Variants in SECISBP2 observed in about 807,000 individuals in gnomAD.
SECISBP2 encodes the protein selenocysteine insertion sequence-binding protein 2.
In SECISBP2, 96 loss-of-function variants were observed where a neutral mutation model predicts 98.2. The ratio of observed to expected loss-of-function variants is 0.98; its 90% confidence interval spans 0.83 to 1.16. The LOEUF (loss-of-function observed/expected upper bound fraction) is 1.16. Among genes scored for constraint, SECISBP2 ranks in the 50% most tolerant of loss-of-function variants. SECISBP2 has a pLI of 0.00. For synonymous variants in SECISBP2, 407 were observed against 370.2 expected (o/e 1.10, Z -1.14); for missense variants, 1,046 against 1,022.9 (o/e 1.02, Z -0.31).
rs1280900877 is a variant in SECISBP2, at chr9:89,357,999, G to C, written c.2269G>C (p.Asp757His). The C allele has an allele frequency of 6.2e-7, 1 of 1,612,760 alleles. No individual in the cohort carries two copies. The highest frequency in any genetic ancestry group is 8.5e-7 in the Non-Finnish European group (1 of 1,179,954). Residue 757 changes from aspartate to histidine, a missense_variant and splice_region_variant, in exon 16 of 17, where the codon GAT (aspartate) becomes CAT (histidine). Physicochemically the swap from Asp to His is moderately conservative, Grantham distance 81 (BLOSUM62 -1). Coordinates refer to ENST00000375807, the MANE Select transcript of SECISBP2 (RefSeq NM_024077.5). Reference protein sequence around the residue: ...VGIFSYDGAQDQFHKMVELTV... With the variant: ...VGIFSYDGAQHQFHKMVELTV... ...CTGTGTGCTCTCACTTGTGCCCAAG[G>C]ATCAGTTCCACAAGATGGTTGAGCT...
downstream of SECISBP2, chr9:89,362,242 T>C: frequency 7.9e-7 from 1 of 1,261,890 alleles, no homozygotes. Context: ...CTGTCCCGCC[T>C]CTGCCCATCA....
At position 89,318,555 on chromosome 9, in the gene SECISBP2, G is replaced by A. The variant is rs193197080; in HGVS notation, c.-22G>A. On this transcript the variant is annotated 5_prime_UTR_variant, in exon 1 of 17. Coordinates refer to ENST00000375807, the MANE Select transcript of SECISBP2 (RefSeq NM_024077.5). ...GGCCCGCTGCTGGCCTCCGTGACGCGGCCTCCTCCGCGCCTCGCGGCATGG... is the reference window on the plus strand; with the variant it reads ...GGCCCGCTGCTGGCCTCCGTGACGCAGCCTCCTCCGCGCCTCGCGGCATGG... The A allele has an allele frequency of 6.6e-7, 1 of 1,508,866 alleles. No homozygotes were observed. Among genetic ancestry groups the A allele is most frequent in the Admixed American group, 2.1e-5 (1 of 48,754 alleles). 93.5% of individuals were successfully genotyped at this position (1,508,866 alleles called of 1,614,324 possible).
At position 89,318,603 on chromosome 9, in the gene SECISBP2, C is replaced by T; in HGVS notation, c.27C>T (p.Pro9=). The change falls in exon 1 of 17, where the codon CCC becomes CCT. Residue 9 remains proline, a synonymous_variant. Coordinates refer to ENST00000375807, the MANE Select transcript of SECISBP2 (RefSeq NM_024077.5). Reference sequence around the variant, plus strand: ...TGGCGTCGGAGGGGCCGCGGGAGCCCGAAAGCGAGGTAAGGGCCGACGGGG... The same window carrying T: ...TGGCGTCGGAGGGGCCGCGGGAGCCTGAAAGCGAGGTAAGGGCCGACGGGG... MASEGPRE[P]ESEGIKLSAD... 6.9e-7 allele frequency: 1 copy of T among 1,458,250 alleles called. No homozygotes were observed. The highest frequency in any genetic ancestry group is 9.0e-7 in the Non-Finnish European group (1 of 1,114,928). The allele number at this position is 1,458,250 out of a possible 1,614,324, so 90.3% of individuals were successfully genotyped here. A position where few individuals can be genotyped will look rare whatever the true frequency, so the allele number is the denominator to read the frequency against.
downstream of SECISBP2, among the ~76,000 whole-genome samples, chr9:89,363,270 C>CG (rs200671239): frequency 6.6e-6 from 1 of 152,162 alleles, no homozygotes; most frequent in Non-Finnish European, 1.5e-5. Context: ...TGGGATTTCC[C>CG]CCCCCAGTGT....
chr9:89,350,936 G>A (rs1831193097), intron 14 of SECISBP2, 84 bp downstream of exon 14: 2 of 1,144,782 alleles, frequency 1.7e-6, no homozygotes, highest in Non-Finnish European at 1.3e-6. Flanking sequence ...CACCTCAGCG[G>A]CCCATGCCAC....
At chr9:89,357,638 C>T in intron 15 of SECISBP2, 73 bp downstream of exon 15, 1 of 1,569,654 alleles carries the variant, frequency 6.4e-7, no homozygotes, top group Admixed American at 1.7e-5. Context: ...TCAGTGTGGG[C>T]TCACCCACAG....
intron 4 of SECISBP2, among the ~76,000 whole-genome samples, chr9:89,326,347 C>A (rs529743653): frequency 6.6e-6 from 1 of 152,254 alleles, no homozygotes; most frequent in African/African-American, 2.4e-5. Flanking sequence ...GTACAAGGGA[C>A]GTTTATTAAC....
At position 89,328,805 on chromosome 9, in the gene SECISBP2, C is replaced by A. The variant is rs777436493; in HGVS notation, c.720C>A (p.Pro240=). 5 of 1,614,050 alleles carry A rather than the reference C, an allele frequency of 3.1e-6. No homozygotes were observed. The part of the protein sequence containing the change: ...ENNMSEIQKQ[P]KWGPVHSVST... Reference sequence around the variant, plus strand: ...ATATGTCAGAGATACAGAAGCAACCCAAGTGGGGACCTGTCCACTCTGTCT... The same window carrying A: ...ATATGTCAGAGATACAGAAGCAACCAAAGTGGGGACCTGTCCACTCTGTCT... The change falls in exon 5 of 17, where the codon CCC becomes CCA. Residue 240 remains proline (P), a synonymous_variant. Transcript: ENST00000375807.
In SECISBP2 at chr9:89,346,954, C is replaced by G. The variant is rs1279489568; in HGVS notation, c.1508C>G (p.Thr503Ser). The G allele has an allele frequency of 6.2e-7, 1 of 1,614,130 alleles. No individual in the cohort carries two copies. The highest frequency in any genetic ancestry group is 2.2e-5 in the East Asian group (1 of 44,886). The change falls in exon 11 of 17, where the codon ACC (threonine) becomes AGC (serine). Residue 503 changes from threonine to serine, a missense_variant. Transcript: ENST00000375807. ...GGCCGCCGCATGAGTCAAATGAAGA[C>G]CCCGCACAATCCCTTGGACTCCAGC... The part of the protein sequence containing the change: ...ERGRRMSQMK[T>S]PHNPLDSSAP...
intron 1 of SECISBP2, 189 bp downstream of exon 1, chr9:89,318,801 G>C (rs1345063688): frequency 9.5e-6 from 12 of 1,269,408 alleles, no homozygotes; most frequent in Non-Finnish European, 1.2e-5. Flanking sequence ...GTGGCGGTCA[G>C]CGGCTACAGA....
intron 10 of SECISBP2, among the ~76,000 whole-genome samples, chr9:89,342,124 G>A (rs928135223): frequency 6.6e-6 from 1 of 152,122 alleles, no homozygotes; most frequent in Admixed American, 6.5e-5. Flanking sequence ...ATGGGCAAAG[G>A]ACTGGAAAAG....
At chr9:89,348,767 G>A (rs10119002) in intron 12 of SECISBP2, among the ~76,000 whole-genome samples, 143,113 of 152,344 alleles carry the variant, frequency 0.94, 67,319 homozygotes, top group East Asian at 0.98. Flanking sequence ...AACCCCACCA[G>A]GGGCTGTGGC....
chr9:89,363,269 C>T (rs998189899), downstream of SECISBP2, among the ~76,000 whole-genome samples: 3 of 151,972 alleles, frequency 2.0e-5, no homozygotes, highest in African/African-American at 7.2e-5. Flanking sequence ...GTGGGATTTC[C>T]CCCCCCAGTG....
chr9:89,326,107 T>A (rs1295096099), intron 4 of SECISBP2, 69 bp downstream of exon 4: 6 of 1,563,042 alleles, frequency 3.8e-6, no homozygotes, highest in Non-Finnish European at 5.2e-6. Flanking sequence ...TCCTGCTATG[T>A]ATACAGCTGT....
intron 8 of SECISBP2, 136 bp from the exon 9 acceptor site, chr9:89,339,728 G>A (rs1829362002): frequency 4.4e-6 from 3 of 688,954 alleles, no homozygotes; most frequent in Non-Finnish European, 7.9e-6. Flanking sequence ...AAGCTCTTAT[G>A]TGAGAGTTTC....
chr9:89,338,535 A>C lies in SECISBP2; in HGVS notation c.1167A>C (p.Thr389=). Reference sequence around the variant, plus strand: ...ATAAGAAAAAGAAAGAAAAATCTACATCAAAATATGAAGTCCTGACAGTTC... The same window carrying C: ...ATAAGAAAAAGAAAGAAAAATCTACCTCAAAATATGAAGTCCTGACAGTTC... ...RKNKKKKEKS[T]SKYEVLTVQE... Residue 389 remains threonine, a synonymous_variant, in exon 8 of 17, where the codon ACA becomes ACC. Transcript: ENST00000375807. 1 of 1,613,154 alleles carries C rather than the reference A, an allele frequency of 6.2e-7. No homozygotes were observed. The highest frequency in any genetic ancestry group is 1.1e-5 in the South Asian group (1 of 90,904).
chr9:89,358,069 T>TGCAGCAGGA lies in SECISBP2; in HGVS notation c.2342_2350dup (p.Gln781_Glu783dup). 6.2e-7 allele frequency: 1 copy of TGCAGCAGGA among 1,613,766 alleles called. No individual in the cohort carries two copies. The highest frequency in any genetic ancestry group is 8.5e-7 in the Non-Finnish European group (1 of 1,180,020). On this transcript the variant is annotated inframe_insertion, in exon 16 of 17. Coordinates refer to ENST00000375807, the MANE Select transcript of SECISBP2 (RefSeq NM_024077.5). ...GCGTACAAGACCATGCTGGAGAATG[T>TGCAGCAGGA]GCAGCAGGAGCTGGTGGGAGAGCCC...
intron 10 of SECISBP2, among the ~76,000 whole-genome samples, chr9:89,344,835 A>G (rs1830199093): frequency 6.6e-6 from 1 of 152,238 alleles, no homozygotes; most frequent in Non-Finnish European, 1.5e-5. Context: ...TAAATAGATT[A>G]TAAACCAAAC....
rs774205109 is a variant in SECISBP2 at position 89,357,466 on chromosome 9, T to G, written c.2169T>G (p.Ile723Met). 4 of 1,614,192 alleles carry G rather than the reference T, an allele frequency of 2.5e-6. No homozygotes were observed. The highest frequency in any genetic ancestry group is 3.4e-6 in the Non-Finnish European group (4 of 1,180,038). The change falls in exon 15 of 17, where the codon ATT (isoleucine) becomes ATG (methionine). Residue 723 changes from isoleucine to methionine, a missense_variant. Ile to Met is a conservative substitution (Grantham distance 10). Coordinates refer to ENST00000375807, the MANE Select transcript of SECISBP2 (RefSeq NM_024077.5). ...TIIDYACEQN[I>M]PFVFALNRKA... ...TTGATTATGCCTGTGAGCAGAACAT[T>G]CCCTTTGTGTTTGCTCTCAACCGCA...
Sources: allele counts gnomAD v4.1 joint callset (sites outside exome capture counted in the v4.1 genomes callset), GRCh38; gene constraint gnomAD v4.1.1; transcripts MANE v1.5; gene names NCBI Gene and HGNC (gene_info 2026-07-23, HGNC 2026-07-21).